CCDC141: variants seen among roughly 807,000 people sequenced by gnomAD.
CCDC141 encodes coiled-coil domain-containing protein 141.
Under a neutral mutation model 181.0 loss-of-function variants are expected in CCDC141, and 168 were observed. That is an observed-to-expected ratio of 0.93 (90% CI 0.82 to 1.05). CCDC141 has a LOEUF of 1.05. Among genes scored for constraint, CCDC141 ranks in the 50% least tolerant of loss-of-function variants. The pLI is 0.00. For synonymous variants in CCDC141, 666 were observed against 642.3 expected (o/e 1.04, Z -0.56); for missense variants, 1,902 against 1,788.5 (o/e 1.06, Z -1.14).
At chr2:178,967,184 A>T (rs1399956634) in intron 4 of CCDC141, among the ~76,000 whole-genome samples, 1 of 152,196 alleles carries the variant, frequency 6.6e-6, no homozygotes, top group Admixed American at 6.5e-5. Context: ...ACTCTTCAGG[A>T]TATTATCCAG....
chr2:178,857,733 T>C (rs1685447605), intron 17 of CCDC141, among the ~76,000 whole-genome samples: 1 of 152,192 alleles, frequency 6.6e-6, no homozygotes, highest in Non-Finnish European at 1.5e-5. Context: ...AACAATGTCA[T>C]GGTTGATAAA....
intron 9 of CCDC141, among the ~76,000 whole-genome samples, chr2:178,888,140 T>A (rs1686972461): frequency 6.6e-6 from 1 of 152,208 alleles, no homozygotes; most frequent in South Asian, 2.1e-4. Context: ...TGTATCAATC[T>A]ATCTACCTGT....
chr2:178,844,992 A>T (rs1196089911), intron 22 of CCDC141, among the ~76,000 whole-genome samples: 3 of 152,234 alleles, frequency 2.0e-5, no homozygotes, highest in African/African-American at 7.2e-5. Context: ...TAACACTTTC[A>T]AAATCATGAT....
At chr2:179,047,803 C>T (rs1348353272) in intron 1 of CCDC141, among the ~76,000 whole-genome samples, 1 of 152,202 alleles carries the variant, frequency 6.6e-6, no homozygotes, top group African/African-American at 2.4e-5. Flanking sequence ...TCCACTTGGG[C>T]AGGTAGGATG....
At chr2:178,995,181 A>C (rs1202099713) in intron 2 of CCDC141, among the ~76,000 whole-genome samples, 2 of 152,198 alleles carry the variant, frequency 1.3e-5, no homozygotes, top group East Asian at 1.9e-4. Flanking sequence ...CTGCTGATTA[A>C]GACATAACTG....
At chr2:178,953,182 A>T (rs979371995) in intron 5 of CCDC141, among the ~76,000 whole-genome samples, 5 of 152,184 alleles carry the variant, frequency 3.3e-5, no homozygotes, top group African/African-American at 1.2e-4. Context: ...CACGCCTATA[A>T]TCCCAGCACT....
downstream of CCDC141, among the ~76,000 whole-genome samples, chr2:178,828,879 A>T (rs1238231869): frequency 7.9e-5 from 12 of 152,220 alleles, no homozygotes; most frequent in African/African-American, 1.7e-4. Flanking sequence ...TAAAATGCAT[A>T]CATAAGATAA....
chr2:179,025,255 A>C (rs560615003), intron 2 of CCDC141, among the ~76,000 whole-genome samples: 48 of 152,074 alleles, frequency 3.2e-4, no homozygotes, highest in African/African-American at 1.2e-3. Context: ...TTTGATCTTC[A>C]CCCTCAGATA....
intron 2 of CCDC141, among the ~76,000 whole-genome samples, chr2:179,046,532 T>C (rs935271331): frequency 6.6e-6 from 1 of 152,226 alleles, no homozygotes; most frequent in Admixed American, 6.5e-5. Flanking sequence ...CCCATGTCCT[T>C]TGCACTGAGT....
At chr2:178,828,095 C>T (rs1684151685), downstream of CCDC141, among the ~76,000 whole-genome samples, 1 of 152,102 alleles carries the variant, frequency 6.6e-6, no homozygotes, top group Admixed American at 6.6e-5. Context: ...CCTTTAAAGA[C>T]ACCAGGAAAT....
intron 21 of CCDC141, among the ~76,000 whole-genome samples, chr2:178,847,021 T>C (rs6734390): frequency 0.13 from 19,495 of 152,204 alleles, 1,286 homozygotes; most frequent in South Asian, 0.15. Flanking sequence ...CAAACACCTG[T>C]AAAGTGCTGG....
chr2:178,913,605 T>C (rs1688313356), intron 7 of CCDC141, among the ~76,000 whole-genome samples: 1 of 152,246 alleles, frequency 6.6e-6, no homozygotes, highest in Non-Finnish European at 1.5e-5. Flanking sequence ...CTATAAGCAT[T>C]ACTATGGATC....
chr2:178,999,518 T>C (rs902474034), intron 2 of CCDC141, among the ~76,000 whole-genome samples: 2 of 152,164 alleles, frequency 1.3e-5, no homozygotes, highest in African/African-American at 4.8e-5. Context: ...AGTATGAGCA[T>C]GTCACTCAGC....
In CCDC141 at chr2:178,968,444, C is replaced by T. The variant is rs759131122; in HGVS notation, c.526+6613G>A. On this transcript the variant is annotated intron_variant, in intron 4 of 23. Transcript: ENST00000443758. ...CAGGATTAAGAAACTCACTCAAAAC[C>T]GCACAACTACATGGAAACTGAACAA... Among the ~76,000 whole-genome samples the T allele has an allele frequency of 4.6e-5, 7 of 152,202 alleles. No homozygotes were observed. In the South Asian group the frequency reaches 6.2e-4, roughly 14 times the overall value.
chr2:179,037,429 T>A (rs1284662489), intron 2 of CCDC141, among the ~76,000 whole-genome samples: 4 of 152,214 alleles, frequency 2.6e-5, no homozygotes, highest in African/African-American at 9.7e-5. Context: ...CTTCTAACAC[T>A]GTCTGAAAGT....
At chr2:179,045,963 A>G (rs2043484237) in intron 2 of CCDC141, among the ~76,000 whole-genome samples, 1 of 152,124 alleles carries the variant, frequency 6.6e-6, no homozygotes, top group South Asian at 2.1e-4. Flanking sequence ...CTTTGTACTA[A>G]TTCTTTCTTC....
chr2:178,983,078 G>C (rs1691512812), intron 2 of CCDC141, among the ~76,000 whole-genome samples: 1 of 152,196 alleles, frequency 6.6e-6, no homozygotes, highest in Admixed American at 6.5e-5. Context: ...TGACAGCTTT[G>C]AAGAGAGCAG....
chr2:178,877,332 TAAA>T (rs887019964), intron 12 of CCDC141: 1 of 152,062 alleles, frequency 6.6e-6, no homozygotes, highest in South Asian at 2.1e-4. Context: ...TATTTAACAT[TAAA>T]AAAAGAAGGT....
the CCDC141 span, among the ~76,000 whole-genome samples, chr2:178,815,533 T>C: frequency 1.3e-5 from 2 of 152,042 alleles, no homozygotes; most frequent in African/African-American, 4.8e-5. Flanking sequence ...TCTCTGCTGA[T>C]AGATTGTGAT....
Sources: gnomAD v4.1 joint callset for allele counts (sites outside exome capture counted in the v4.1 genomes callset) on GRCh38, gnomAD v4.1.1 for gene constraint, MANE v1.5 for transcripts, NCBI Gene and HGNC (gene_info 2026-07-23, HGNC 2026-07-21) for gene names.